Variants in RFX3 observed in about 807,000 individuals in gnomAD.
The protein encoded by RFX3 is regulatory factor X3.
In RFX3, 14 loss-of-function variants were observed where a neutral mutation model predicts 98.6. The observed-to-expected ratio is 0.14, with a 90% CI of 0.09 to 0.22. The LOEUF (loss-of-function observed/expected upper bound fraction) is 0.22. Among genes scored for constraint, RFX3 ranks in the 10% least tolerant of loss-of-function variants. The pLI is 1.00. For missense variants in RFX3, 639 were observed against 926.9 expected (o/e 0.69, Z 4.03); for synonymous variants, 383 against 328.4 (o/e 1.17, Z -1.80).
intron 4 of RFX3, among the ~76,000 whole-genome samples, chr9:3,328,001 A>G (rs1832125749): frequency 6.6e-6 from 1 of 152,216 alleles, no homozygotes; most frequent in African/African-American, 2.4e-5. Flanking sequence ...AAGTAAATTT[A>G]GTAAACCCAC....
At chr9:3,429,694 T>G (rs942853801) in intron 1 of RFX3, among the ~76,000 whole-genome samples, 1 of 152,204 alleles carries the variant, frequency 6.6e-6, no homozygotes, top group Non-Finnish European at 1.5e-5. Context: ...GGCCGATAAT[T>G]AAAAGATAGT....
At chr9:3,304,348 T>A (rs2130192558) in intron 4 of RFX3, among the ~76,000 whole-genome samples, 1 of 152,164 alleles carries the variant, frequency 6.6e-6, no homozygotes, top group African/African-American at 2.4e-5. Context: ...ACATAGTAAC[T>A]GTGTGACTGT....
chr9:3,448,012 A>T (rs930485203), intron 1 of RFX3, among the ~76,000 whole-genome samples: 2 of 152,208 alleles, frequency 1.3e-5, no homozygotes, highest in African/African-American at 4.8e-5. Flanking sequence ...ATTTTCATTA[A>T]AAGGGAAAAA....
intron 1 of RFX3, among the ~76,000 whole-genome samples, chr9:3,505,483 A>AAAATAAAATACTTTATATTTATAT (rs1296373996): frequency 1.6e-4 from 2 of 12,182 alleles, no homozygotes; most frequent in African/African-American, 3.3e-4. Flanking sequence ...ATATTTATAT[A>AAAATAAAATACTTTATATTTATAT]AAATATAAAA....
chr9:3,263,334 C>A (rs568741367), intron 12 of RFX3, among the ~76,000 whole-genome samples: 1 of 152,260 alleles, frequency 6.6e-6, no homozygotes, highest in African/African-American at 2.4e-5. Context: ...CTGAGCGTAG[C>A]ATTAATTAAA....
At chr9:3,420,250 T>G (rs555485991) in intron 1 of RFX3, among the ~76,000 whole-genome samples, 1 of 152,158 alleles carries the variant, frequency 6.6e-6, no homozygotes, top group African/African-American at 2.4e-5. Flanking sequence ...AGGAAAGCAC[T>G]CATACACAGG....
chr9:3,311,509 G>C (rs1331313611), intron 4 of RFX3, among the ~76,000 whole-genome samples: 1 of 152,158 alleles, frequency 6.6e-6, no homozygotes, highest in Non-Finnish European at 1.5e-5. Flanking sequence ...TTTGCATTTA[G>C]TCTCTATAAT....
At chr9:3,499,821 T>A (rs1030348149) in intron 1 of RFX3, among the ~76,000 whole-genome samples, 1 of 152,150 alleles carries the variant, frequency 6.6e-6, no homozygotes, top group Non-Finnish European at 1.5e-5. Flanking sequence ...TCCACGGATA[T>A]TTTTGCTATA....
Position 3,257,025 on chromosome 9 carries a change from C to T in RFX3, c.1780G>A (p.Ala594Thr). 1 of 1,614,056 alleles carries T rather than the reference C, an allele frequency of 6.2e-7. No individual in the cohort carries two copies. Among genetic ancestry groups the T allele is most frequent in the Non-Finnish European group, 8.5e-7 (1 of 1,179,976 alleles). Residue 594 changes from alanine to threonine, a missense_variant, in exon 14 of 17, where the codon GCC becomes ACC. By Grantham distance (58) the Ala-to-Thr change is moderately conservative. Around this residue, in one of 9 missense-constraint regions of RFX3, gnomAD observed 138 missense variants for 308.9 expected, o/e 0.45. Coordinates refer to ENST00000617270, the MANE Select transcript of RFX3 (RefSeq NM_001282116.2). ...YEGRPSFPKA[A>T]RQFLLKWSFY... is the part of the protein sequence containing the mutation. ...GACCATTTTAGCAGAAACTGCCTGG[C>T]GGCTTTAGGAAAACTGGGTCTTCCT...
intron 1 of RFX3, among the ~76,000 whole-genome samples, chr9:3,505,179 A>AT (rs1816814993): frequency 2.5e-5 from 2 of 81,136 alleles, no homozygotes; most frequent in African/African-American, 1.1e-4. Flanking sequence ...TATTCATATA[A>AT]ATATATATAT....
At chr9:3,365,716 T>C (rs996890046) in intron 2 of RFX3, among the ~76,000 whole-genome samples, 1 of 151,982 alleles carries the variant, frequency 6.6e-6, no homozygotes, top group African/African-American at 2.4e-5. Flanking sequence ...AACAAAGAAA[T>C]AATCCAAGTA....
chr9:3,480,728 G>A (rs985939148), intron 1 of RFX3, among the ~76,000 whole-genome samples: 4 of 152,156 alleles, frequency 2.6e-5, no homozygotes, highest in African/African-American at 9.7e-5. Flanking sequence ...AAAGCCATAT[G>A]ACCTTAGACA....
chr9:3,455,825 T>C (rs539353249), intron 1 of RFX3, among the ~76,000 whole-genome samples: 54 of 152,254 alleles, frequency 3.5e-4, no homozygotes, highest in Non-Finnish European at 7.3e-4. Context: ...TACAATGGTA[T>C]CTTCTCATCA....
chr9:3,410,161 C>CTCTG (rs1554698458), intron 1 of RFX3, among the ~76,000 whole-genome samples: 156 of 114,124 alleles, frequency 1.4e-3, no homozygotes, highest in Non-Finnish European at 2.1e-3. Flanking sequence ...GTGAGATAAA[C>CTCTG]TGTGTGTGTG....
At chr9:3,483,057 T>G (rs1335414082) in intron 1 of RFX3, among the ~76,000 whole-genome samples, 1 of 152,204 alleles carries the variant, frequency 6.6e-6, no homozygotes, top group African/African-American at 2.4e-5. Flanking sequence ...GCTGTTTATT[T>G]TGCATTATGC....
At chr9:3,370,544 C>G (rs111904719) in intron 2 of RFX3, among the ~76,000 whole-genome samples, 3 of 151,316 alleles carry the variant, frequency 2.0e-5, no homozygotes, top group Admixed American at 1.3e-4. Flanking sequence ...TTTCTGGGAT[C>G]GAGGGATGGG....
chr9:3,260,864 T>C (rs1822788540), intron 13 of RFX3, among the ~76,000 whole-genome samples: 1 of 149,850 alleles, frequency 6.7e-6, no homozygotes, highest in Admixed American at 6.7e-5. Context: ...TAGATATAAA[T>C]AGATATAAAT....
At chr9:3,237,684 G>GA (rs1158375598) in intron 15 of RFX3, among the ~76,000 whole-genome samples, 1 of 152,212 alleles carries the variant, frequency 6.6e-6, no homozygotes, top group South Asian at 2.1e-4. Flanking sequence ...AAAGCCCTAT[G>GA]AAAAAATGTC....
intron 2 of RFX3, among the ~76,000 whole-genome samples, chr9:3,374,524 T>G (rs2131600754): frequency 6.6e-6 from 1 of 152,304 alleles, no homozygotes; most frequent in South Asian, 2.1e-4. Context: ...TAATGGAATA[T>G]TATTCAGCAT....
Sources: gnomAD v4.1 joint callset for allele counts (sites outside exome capture counted in the v4.1 genomes callset) on GRCh38, gnomAD v4.1.1 for gene constraint, gnomAD v4.1.1 regional missense constraint, MANE v1.5 for transcripts, NCBI Gene and HGNC (gene_info 2026-07-23, HGNC 2026-07-21) for gene names.